Variants in MLLT1 observed in about 807,000 individuals in gnomAD.
MLLT1 encodes the protein MLLT1 super elongation complex subunit.
Under a neutral mutation model 55.1 loss-of-function variants are expected in MLLT1, and 11 were observed. That is an observed-to-expected ratio of 0.20 (90% CI 0.13 to 0.33). The LOEUF is 0.33. MLLT1 is among the 10% of genes least tolerant of loss of function. MLLT1 has a pLI of 1.00. For synonymous variants in MLLT1, 323 were observed against 320.1 expected (o/e 1.01, Z -0.10); for missense variants, 536 against 760.6 (o/e 0.70, Z 3.47).
intron 7 of MLLT1, among the ~76,000 whole-genome samples, chr19:6,217,199 C>T (rs1191749265): frequency 1.3e-5 from 2 of 152,146 alleles, no homozygotes; most frequent in Non-Finnish European, 2.9e-5. Flanking sequence ...CCAGCCCCCT[C>T]GGCAACTGCA....
rs74255002 is a variant in MLLT1, at chr19:6,268,751, G to A, written c.193+1828C>T. Among the ~76,000 whole-genome samples, 1,229 of 152,242 alleles carry A rather than the reference G, an allele frequency of 8.1e-3. 60 individuals are homozygous for A. In the East Asian group the frequency reaches 0.13, roughly 16 times the overall value. On this transcript the variant is annotated intron_variant, in intron 2 of 11. Coordinates refer to ENST00000252674, the MANE Select transcript of MLLT1 (RefSeq NM_005934.4). ...GGGCTCAGCTACTAATTTAAAGGCC[G>A]CCTGCAAACTGACACTGAAGCCTGG...
intron 7 of MLLT1, among the ~76,000 whole-genome samples, chr19:6,217,665 G>T (rs2090858258): frequency 6.6e-6 from 1 of 152,180 alleles, no homozygotes; most frequent in Non-Finnish European, 1.5e-5. Flanking sequence ...GAGAGTTCTG[G>T]CCATGGGCAG....
intron 10 of MLLT1, 30 bp downstream of exon 10, chr19:6,213,696 C>CAG (rs2090805121): frequency 6.5e-7 from 1 of 1,549,866 alleles, no homozygotes; most frequent in Non-Finnish European, 8.9e-7. Flanking sequence ...CCTCCGTAGC[C>CAG]TCCCCGCCTT....
At chr19:6,247,395 C>T (rs1173865724) in intron 3 of MLLT1, among the ~76,000 whole-genome samples, 5 of 152,192 alleles carry the variant, frequency 3.3e-5, no homozygotes, top group Non-Finnish European at 1.5e-5. Flanking sequence ...AATGTGAAAG[C>T]ACCCCCAAAA....
intron 2 of MLLT1, among the ~76,000 whole-genome samples, chr19:6,266,609 C>A (rs1357231899): frequency 2.6e-5 from 4 of 151,864 alleles, no homozygotes; most frequent in African/African-American, 9.7e-5. Context: ...GGCATCCTCA[C>A]TGCCCCTGGC....
Position 6,212,871 on chromosome 19 carries a change from G to A in MLLT1, c.*171C>T, listed in dbSNP as rs369714857. ...GCCCCAGGGCTCCTGGCGATGGAGCGGGGAGAGTGGGCAGGGAGCCGCCGA... is the reference window on the plus strand; with the variant it reads ...GCCCCAGGGCTCCTGGCGATGGAGCAGGGAGAGTGGGCAGGGAGCCGCCGA... On this transcript the variant is annotated 3_prime_UTR_variant, in exon 12 of 12. Coordinates refer to ENST00000252674, the MANE Select transcript of MLLT1 (RefSeq NM_005934.4). The A allele has an allele frequency of 5.6e-5, 56 of 1,001,936 alleles. No homozygotes were observed. In the East Asian group the frequency reaches 8.7e-4, roughly 16 times the overall value. The allele number at this position is 1,001,936 out of a possible 1,614,324, so 62.1% of individuals were successfully genotyped here.
intron 8 of MLLT1, among the ~76,000 whole-genome samples, chr19:6,215,032 GCTC>G (rs1385689518): frequency 6.6e-6 from 1 of 152,184 alleles, no homozygotes; most frequent in African/African-American, 2.4e-5. Flanking sequence ...CCCTGCCTGT[GCTC>G]CTGCCGGCCT....
intron 5 of MLLT1, among the ~76,000 whole-genome samples, chr19:6,225,582 C>T (rs557476614): frequency 3.9e-5 from 6 of 152,322 alleles, no homozygotes; most frequent in South Asian, 2.1e-4. Context: ...CCATGCTGCC[C>T]GATGCTCCCC....
chr19:6,239,439 C>T (rs1348981411), intron 3 of MLLT1, among the ~76,000 whole-genome samples: 1 of 152,208 alleles, frequency 6.6e-6, no homozygotes, highest in Non-Finnish European at 1.5e-5. Context: ...CCAGGGAACA[C>T]GACATGGACC....
Position 6,262,318 on chromosome 19 carries a change from G to GA in MLLT1, c.194-9dup. 6.2e-7 allele frequency: 1 copy of GA among 1,612,440 alleles called. No homozygotes were observed. Among genetic ancestry groups the GA allele is most frequent in the Non-Finnish European group, 8.5e-7 (1 of 1,179,134 alleles). On this transcript the variant is annotated splice_polypyrimidine_tract_variant and intron_variant, in intron 2 of 11. Transcript: ENST00000252674. The surrounding 1 kb of genome is among the most constrained non-coding windows in gnomAD (Gnocchi z 4.4). ...AGGGGGGCTCCTTGCACACTAAAAAGAAAAGGAAGAAACACACCCATCAGC... is the reference window on the plus strand; with the variant it reads ...AGGGGGGCTCCTTGCACACTAAAAAGAAAAAGGAAGAAACACACCCATCAGC...
chr19:6,263,832 C>T (rs753963033), intron 2 of MLLT1, among the ~76,000 whole-genome samples: 1 of 151,982 alleles, frequency 6.6e-6, no homozygotes, highest in Non-Finnish European at 1.5e-5. Flanking sequence ...ATGGGGGCGC[C>T]GCAGGGCAGG....
At chr19:6,276,428 C>T (rs758377294) in intron 1 of MLLT1, among the ~76,000 whole-genome samples, 1 of 152,150 alleles carries the variant, frequency 6.6e-6, no homozygotes, top group African/African-American at 2.4e-5. Flanking sequence ...TGAAGAACAT[C>T]GTTGTGAGGC....
chr19:6,251,078 AG>A (rs1395004160), intron 3 of MLLT1, among the ~76,000 whole-genome samples: 1 of 152,198 alleles, frequency 6.6e-6, no homozygotes, highest in Non-Finnish European at 1.5e-5. Flanking sequence ...AGTAGCTGCC[AG>A]GAACAGTGGC....
chr19:6,276,056 C>G (rs2091426502), intron 1 of MLLT1, among the ~76,000 whole-genome samples: 2 of 152,244 alleles, frequency 1.3e-5, no homozygotes, highest in Non-Finnish European at 2.9e-5. Flanking sequence ...TTCCTAGTTA[C>G]TTGTATTTAA....
Position 6,226,683 on chromosome 19 carries a change from T to C in MLLT1, c.546+294A>G, listed in dbSNP as rs886924362. ...AGCCTTCGGCGAAGGTCTCAGGGCTTCAGGCCGAGCAGTCCTGGGGCCCTG... is the reference window on the plus strand; with the variant it reads ...AGCCTTCGGCGAAGGTCTCAGGGCTCCAGGCCGAGCAGTCCTGGGGCCCTG... On this transcript the variant is annotated intron_variant, in intron 5 of 11. Transcript: ENST00000252674. This position sits in a 1 kb window ranked among gnomAD's most constrained non-coding sequence, Gnocchi z 6.3. 3.3e-5 allele frequency among the ~76,000 whole-genome samples: 5 copies of C among 152,122 alleles called. No homozygotes were observed. Among genetic ancestry groups the C allele is most frequent in the African/African-American group, 1.2e-4 (5 of 41,450 alleles).
intron 3 of MLLT1, among the ~76,000 whole-genome samples, chr19:6,261,831 C>T (rs2059333610): frequency 6.6e-6 from 1 of 152,272 alleles, no homozygotes. Flanking sequence ...GAAGACGCAT[C>T]GTAATCGGAC....
intron 3 of MLLT1, among the ~76,000 whole-genome samples, chr19:6,248,297 T>C (rs1342593859): frequency 6.6e-6 from 1 of 152,208 alleles, no homozygotes; most frequent in East Asian, 1.9e-4. Flanking sequence ...TCAAAGTATC[T>C]CTCCCAAAAT....
In MLLT1 at chr19:6,226,951, G is replaced by A. The variant is rs748221260; in HGVS notation, c.546+26C>T. On this transcript the variant is annotated intron_variant, in intron 5 of 11. Transcript: ENST00000252674. This position sits in a 1 kb window ranked among gnomAD's most constrained non-coding sequence, Gnocchi z 6.3. ...CACAGCTGGGCCCCGGCGCTCCCAC[G>A]CGACTGGGCCTTCCGCCTCACTAAC... The A allele has an allele frequency of 8.2e-5, 127 of 1,541,986 alleles. No homozygotes were observed. The highest frequency in any genetic ancestry group is 9.8e-5 in the Non-Finnish European group (112 of 1,145,644).
chr19:6,221,115 T>C (rs1290655866), intron 6 of MLLT1, among the ~76,000 whole-genome samples: 1 of 152,178 alleles, frequency 6.6e-6, no homozygotes, highest in African/African-American at 2.4e-5. Flanking sequence ...GCTTTGTGGC[T>C]GGGACCTGCA....
Sources: allele counts gnomAD v4.1 joint callset (sites outside exome capture counted in the v4.1 genomes callset), GRCh38; gene constraint gnomAD v4.1.1; non-coding constraint Gnocchi (gnomAD v3.1); transcripts MANE v1.5; gene names NCBI Gene and HGNC (gene_info 2026-07-23, HGNC 2026-07-21).